Variants in HIRA observed in about 807,000 individuals in gnomAD.
HIRA encodes histone cell cycle regulator, also known as protein HIRA.
A neutral mutation model predicts 126.6 loss-of-function variants in HIRA; 13 were observed. The ratio of observed to expected loss-of-function variants is 0.10; its 90% CI spans 0.07 to 0.16. The LOEUF (loss-of-function observed/expected upper bound fraction) is 0.16, where lower values mean the gene tolerates loss of function less well. Among genes scored for constraint, HIRA ranks in the 10% least tolerant of loss-of-function variants. HIRA has a pLI of 1.00. For synonymous variants in HIRA, 511 were observed against 520.0 expected, an observed-to-expected ratio of 0.98 and a Z score of 0.24; for missense variants, 834 against 1,314.4, an observed-to-expected ratio of 0.63 and a Z score of 5.65.
At position 19,388,500 on chromosome 22, in the gene HIRA, T is replaced by C. The variant is rs778356204; in HGVS notation, c.991A>G (p.Ile331Val). 1.9e-6 allele frequency: 3 copies of C among 1,612,532 alleles called. No individual in the cohort carries two copies. The highest frequency in any genetic ancestry group is 2.7e-5 in the African/African-American group (2 of 74,890). The change falls in exon 10 of 25, where the codon ATC (isoleucine) becomes GTC (valine). Residue 331 changes from isoleucine to valine, a missense_variant. Physicochemically the swap from Ile to Val is conservative, Grantham distance 29 (BLOSUM62 3). Transcript: ENST00000263208. ...CCACCTTACCAGGAAATATCCATGA[T>C]GGATTTGTCAAACAGTTCATGGATG... ...VVIHELFDKS[I>V]MDISWTLNGL... is the part of the protein sequence containing the mutation.
In HIRA at chr22:19,414,936, C is replaced by CTTAT. The variant is rs138847743; in HGVS notation, c.38-4162_38-4159dup. ...ATAAGGTGGGTGCAAACAACACAAA[C>CTTAT]TTATTTATTTATTTATTTATTTATT... On this transcript the variant is annotated intron_variant, in intron 1 of 24. Coordinates refer to ENST00000263208, the MANE Select transcript of HIRA (RefSeq NM_003325.4). 4.3e-3 allele frequency among the ~76,000 whole-genome samples: 646 copies of CTTAT among 150,786 alleles called. 5 individuals carry two copies. The highest frequency in any genetic ancestry group is 0.017 in the East Asian group (85 of 5,084).
intron 13 of HIRA, among the ~76,000 whole-genome samples, chr22:19,379,553 A>G (rs2089052372): frequency 6.7e-6 from 1 of 148,738 alleles, no homozygotes; most frequent in Admixed American, 6.7e-5. Context: ...TGAACCAGGG[A>G]GGCAGAGGCT....
intron 9 of HIRA, among the ~76,000 whole-genome samples, chr22:19,389,013 A>G (rs1171907057): frequency 2.0e-5 from 3 of 152,188 alleles, no homozygotes; most frequent in Non-Finnish European, 4.4e-5. Context: ...GTACACATTT[A>G]TCCAAGGCTC....
At chr22:19,391,647 A>AT (rs1378616411) in intron 9 of HIRA, among the ~76,000 whole-genome samples, 1 of 151,772 alleles carries the variant, frequency 6.6e-6, no homozygotes, top group Non-Finnish European at 1.5e-5. Context: ...CGCCCAGCTA[A>AT]TTTTTTGTAT....
intron 2 of HIRA, among the ~76,000 whole-genome samples, chr22:19,409,839 T>C (rs1322252509): frequency 6.6e-6 from 1 of 152,206 alleles, no homozygotes; most frequent in Admixed American, 6.5e-5. Flanking sequence ...TTCTCTCTCA[T>C]GTGCTGCACC....
chr22:19,332,142 G>T lies in HIRA; in HGVS notation c.2938-586C>A, dbSNP rs7290983. Among the ~76,000 whole-genome samples the T allele has an allele frequency of 4.2e-3, 644 of 152,306 alleles. 1 individual carries two copies. Among genetic ancestry groups the T allele is most frequent in the Non-Finnish European group, 6.5e-3 (441 of 68,020 alleles). Reference sequence around the variant, plus strand: ...TCTGAAACAAGCATTGCCAGTTGGGGTCTCTGCTGCACAGACCAAAAGAGC... The same window carrying T: ...TCTGAAACAAGCATTGCCAGTTGGGTTCTCTGCTGCACAGACCAAAAGAGC... On this transcript the variant is annotated intron_variant, in intron 24 of 24. Transcript: ENST00000263208.
chr22:19,335,441 C>T lies in HIRA; in HGVS notation c.2938-3885G>A, dbSNP rs140462805. On this transcript the variant is annotated intron_variant, in intron 24 of 24. Coordinates refer to ENST00000263208, the MANE Select transcript of HIRA (RefSeq NM_003325.4). Reference sequence around the variant, plus strand: ...TGTATTTCTAGTAGAGATGGGGTTTCGCCACGTTGGCCAGGCTGGTCTTGA... The same window carrying T: ...TGTATTTCTAGTAGAGATGGGGTTTTGCCACGTTGGCCAGGCTGGTCTTGA... 2.5e-3 allele frequency among the ~76,000 whole-genome samples: 379 copies of T among 152,226 alleles called. 2 individuals are homozygous for T. The highest frequency in any genetic ancestry group is 8.8e-3 in the African/African-American group (364 of 41,518).
At chr22:19,370,454 A>C (rs2088954560) in intron 15 of HIRA, among the ~76,000 whole-genome samples, 1 of 151,904 alleles carries the variant, frequency 6.6e-6, no homozygotes, top group Non-Finnish European at 1.5e-5. Flanking sequence ...ATGATGACCA[A>C]GCTGGTCTCA....
intron 24 of HIRA, among the ~76,000 whole-genome samples, chr22:19,339,114 A>C (rs546810534): frequency 1.4e-4 from 22 of 152,336 alleles, no homozygotes; most frequent in African/African-American, 4.3e-4. Context: ...CTCTTAGACC[A>C]CAGTAAAATA....
In HIRA at chr22:19,385,732, C is replaced by T. The variant is rs150603624; in HGVS notation, c.1118G>A (p.Arg373His). The T allele has an allele frequency of 1.4e-4, 225 of 1,612,740 alleles. No homozygotes were observed. The highest frequency in any genetic ancestry group is 1.7e-4 in the Middle Eastern group (1 of 6,060). ...GDPLSEEEKS[R>H]IHQSTYGKSL... ...CTTGCCATAGGTGGACTGGTGAATG[C>T]GGCTCTGGGGAAGCAAGGAGAGGCA... Residue 373 changes from arginine to histidine, a missense_variant, in exon 12 of 25, where the codon CGC becomes CAC. Transcript: ENST00000263208.
chr22:19,381,689 T>G (rs1253002037), intron 13 of HIRA, among the ~76,000 whole-genome samples: 1 of 152,230 alleles, frequency 6.6e-6, no homozygotes, highest in African/African-American at 2.4e-5. Context: ...CTATTTTACT[T>G]AGGATTTTGC....
chr22:19,339,128 T>C (rs1165851489), intron 24 of HIRA, among the ~76,000 whole-genome samples: 2 of 152,054 alleles, frequency 1.3e-5, no homozygotes, highest in Admixed American at 1.3e-4. Flanking sequence ...TAAAATAAAA[T>C]TGGAAATTAA....
At chr22:19,379,078 A>C (rs1387389647) in intron 13 of HIRA, among the ~76,000 whole-genome samples, 2 of 150,752 alleles carry the variant, frequency 1.3e-5, no homozygotes, top group East Asian at 4.0e-4. Flanking sequence ...CCCAGGCTGG[A>C]GTGCAGTGGC....
chr22:19,414,608 G>A (rs919128552), intron 1 of HIRA, among the ~76,000 whole-genome samples: 1 of 152,128 alleles, frequency 6.6e-6, no homozygotes, highest in Non-Finnish European at 1.5e-5. Context: ...GTTGCTCCTG[G>A]GAACACTTCC....
At chr22:19,338,124 A>G (rs1264602872) in intron 24 of HIRA, among the ~76,000 whole-genome samples, 1 of 152,154 alleles carries the variant, frequency 6.6e-6, no homozygotes, top group Non-Finnish European at 1.5e-5. Context: ...CAGATTTCTC[A>G]GCAGATACCC....
At chr22:19,409,554 A>C (rs2089335124) in intron 2 of HIRA, among the ~76,000 whole-genome samples, 1 of 152,188 alleles carries the variant, frequency 6.6e-6, no homozygotes, top group Non-Finnish European at 1.5e-5. Context: ...AAGTGCTGAA[A>C]TCACAGGCGT....
At chr22:19,406,513 C>T (rs777610306) in intron 4 of HIRA, among the ~76,000 whole-genome samples, 34 of 152,292 alleles carry the variant, frequency 2.2e-4, no homozygotes, top group Non-Finnish European at 3.8e-4. Context: ...GCTGACACAC[C>T]GATGATCAGA....
Position 19,354,040 on chromosome 22 carries a change from C to G in HIRA, c.2640G>C (p.Met880Ile), listed in dbSNP as rs782466504. The change falls in exon 22 of 25, where the codon ATG becomes ATC. Residue 880 changes from methionine to isoleucine, a missense_variant. This residue lies in a region of HIRA where 468 missense variants were observed against 574.2 expected (regional missense o/e 0.82). Transcript: ENST00000263208. ...TTATGGCTAACGGTCCTGAGCACAGCATGGCGTCCTGGGATGGCAGGCTGC... is the reference window on the plus strand; with the variant it reads ...TTATGGCTAACGGTCCTGAGCACAGGATGGCGTCCTGGGATGGCAGGCTGC... ...FRSSLPSQDA[M>I]LCSGPLAIIQ... 1 of 1,613,512 alleles carries G rather than the reference C, an allele frequency of 6.2e-7. No homozygotes were observed. Among genetic ancestry groups the G allele is most frequent in the Admixed American group, 1.7e-5 (1 of 59,918 alleles).
intron 15 of HIRA, among the ~76,000 whole-genome samples, chr22:19,365,442 T>G (rs2088903786): frequency 6.6e-6 from 1 of 152,188 alleles, no homozygotes; most frequent in African/African-American, 2.4e-5. Context: ...TAGGTGGAAG[T>G]CAATACTCAT....
Sources: allele counts gnomAD v4.1 joint callset (sites outside exome capture counted in the v4.1 genomes callset), GRCh38; gene constraint gnomAD v4.1.1; regional missense constraint gnomAD v4.1.1; transcripts MANE v1.5; gene names NCBI Gene and HGNC (gene_info 2026-07-23, HGNC 2026-07-21).